The following BTBD9 variants were observed in gnomAD, a reference collection of about 807,000 sequenced individuals.
The protein encoded by BTBD9 is BTB domain containing 9, also known as BTB/POZ domain-containing protein 9.
BTBD9 carries 49 observed loss-of-function variants against 64.3 expected under a neutral mutation model. The observed-to-expected ratio is 0.76, with a 90% CI of 0.61 to 0.97. The LOEUF (loss-of-function observed/expected upper bound fraction) is 0.97, where lower values mean the gene tolerates loss of function less well. Ranked by LOEUF, BTBD9 falls within the 50% of genes least tolerant of loss-of-function variation. The pLI is 0.00. For synonymous variants in BTBD9, 260 were observed against 274.7 expected (o/e 0.95, Z 0.53); for missense variants, 598 against 762.1 (o/e 0.78, Z 2.53).
At chr6:38,414,640 G>T (rs564107874) in intron 6 of BTBD9, among the ~76,000 whole-genome samples, 40 of 152,174 alleles carry the variant, frequency 2.6e-4, no homozygotes, top group African/African-American at 9.6e-4. Context: ...CATGGGATCT[G>T]TTCAGATATT....
intron 9 of BTBD9, among the ~76,000 whole-genome samples, chr6:38,233,891 A>G (rs1199972873): frequency 6.6e-6 from 1 of 152,260 alleles, no homozygotes; most frequent in Non-Finnish European, 1.5e-5. Flanking sequence ...TTTTCAAATC[A>G]GTTTTAAAAC....
intron 1 of BTBD9, among the ~76,000 whole-genome samples, chr6:38,624,763 A>T (rs934485156): frequency 2.6e-5 from 4 of 152,142 alleles, no homozygotes; most frequent in Non-Finnish European, 2.9e-5. Context: ...ATTACATTAG[A>T]AGACAAAGAT....
chr6:38,496,673 G>A (rs1264329371), intron 6 of BTBD9, among the ~76,000 whole-genome samples: 1 of 148,618 alleles, frequency 6.7e-6, no homozygotes, highest in Non-Finnish European at 1.5e-5. Context: ...AAAAAAAAAA[G>A]AGAGAGAGAG....
chr6:38,357,729 A>C (rs2127596253), intron 6 of BTBD9, among the ~76,000 whole-genome samples: 1 of 152,230 alleles, frequency 6.6e-6, no homozygotes, highest in African/African-American at 2.4e-5. Context: ...AGGAGACGAT[A>C]ACCATTTCTC....
At chr6:38,242,559 T>C (rs1181581229) in intron 9 of BTBD9, among the ~76,000 whole-genome samples, 1 of 152,218 alleles carries the variant, frequency 6.6e-6, no homozygotes, top group Non-Finnish European at 1.5e-5. Flanking sequence ...GGATCTTGTT[T>C]TGTATTTTAC....
At chr6:38,318,218 CTT>C (rs1417391816) in intron 7 of BTBD9, among the ~76,000 whole-genome samples, 1 of 152,162 alleles carries the variant, frequency 6.6e-6, no homozygotes, top group Non-Finnish European at 1.5e-5. Context: ...TGAATTCTCT[CTT>C]TGAAAGGTCA....
At chr6:38,597,434 A>T (rs1409507241) in intron 2 of BTBD9, among the ~76,000 whole-genome samples, 1 of 152,204 alleles carries the variant, frequency 6.6e-6, no homozygotes, top group Non-Finnish European at 1.5e-5. Flanking sequence ...ATAACCCTGG[A>T]AATTAAGGAC....
At chr6:38,465,676 G>A (rs1770317996) in intron 6 of BTBD9, among the ~76,000 whole-genome samples, 1 of 132,406 alleles carries the variant, frequency 7.6e-6, no homozygotes, top group Non-Finnish European at 1.6e-5. Context: ...GACAGAGCTA[G>A]ACTCCATCTC....
chr6:38,623,005 C>T (rs1699004), intron 1 of BTBD9, among the ~76,000 whole-genome samples: 99,393 of 151,898 alleles, frequency 0.65, 32,895 homozygotes, highest in African/African-American at 0.76. Context: ...AATGGGAAAA[C>T]AGAACACAGG....
chr6:38,245,100 T>C (rs1050423814), intron 9 of BTBD9, among the ~76,000 whole-genome samples: 9 of 152,162 alleles, frequency 5.9e-5, no homozygotes, highest in Non-Finnish European at 8.8e-5. Context: ...ATCAAGTACA[T>C]ACTGACCCCT....
chr6:38,299,193 T>C (rs990063799), intron 7 of BTBD9, among the ~76,000 whole-genome samples: 13 of 152,242 alleles, frequency 8.5e-5, no homozygotes, highest in Non-Finnish European at 1.9e-4. Flanking sequence ...AACTCATCAT[T>C]TTTTATGGCT....
intron 7 of BTBD9, among the ~76,000 whole-genome samples, chr6:38,328,767 G>A (rs888080100): frequency 2.0e-5 from 3 of 151,918 alleles, no homozygotes; most frequent in Non-Finnish European, 4.4e-5. Flanking sequence ...CTAACATGGT[G>A]AAACCCCGTC....
At chr6:38,609,568 A>C (rs950531734) in intron 1 of BTBD9, among the ~76,000 whole-genome samples, 4 of 152,186 alleles carry the variant, frequency 2.6e-5, no homozygotes, top group African/African-American at 9.7e-5. Flanking sequence ...AAATCCAATT[A>C]AAAAAAGACA....
In BTBD9 at chr6:38,238,470, G is replaced by GTTT. The variant is rs34641170; in HGVS notation, c.1562+17936_1562+17938dup. Reference sequence around the variant, plus strand: ...ACAGTAAGCTGTTGCGGAGACCAAGGTTTTTTGTTTTTTTTTTTTTGAGAC... The same window carrying GTTT: ...ACAGTAAGCTGTTGCGGAGACCAAGGTTTTTTTTTGTTTTTTTTTTTTTGAGAC... On this transcript the variant is annotated intron_variant, in intron 9 of 10. Transcript: ENST00000481247. Among the ~76,000 whole-genome samples, 273 of 127,978 alleles carry GTTT rather than the reference G, an allele frequency of 2.1e-3. 58 individuals carry two copies. The highest frequency in any genetic ancestry group is 4.0e-3 in the Middle Eastern group (1 of 248). The allele number at this position is 127,978 out of a possible 152,430, so 84.0% of individuals were successfully genotyped here.
At chr6:38,340,069 G>A (rs1272741234) in intron 7 of BTBD9, among the ~76,000 whole-genome samples, 1 of 152,174 alleles carries the variant, frequency 6.6e-6, no homozygotes, top group African/African-American at 2.4e-5. Context: ...AGGAAAAAGA[G>A]ATGAAAGAAA....
chr6:38,188,652 A>C (rs1761922649), intron 10 of BTBD9, among the ~76,000 whole-genome samples: 1 of 152,230 alleles, frequency 6.6e-6, no homozygotes, highest in African/African-American at 2.4e-5. Flanking sequence ...AACGAAGGCC[A>C]CTGTTATGGA....
At chr6:38,206,179 C>T (rs1245842877) in intron 9 of BTBD9, among the ~76,000 whole-genome samples, 16 of 151,328 alleles carry the variant, frequency 1.1e-4, no homozygotes, top group Admixed American at 4.6e-4. Context: ...AGTGATAGTA[C>T]ACAGAAAATT....
intron 6 of BTBD9, among the ~76,000 whole-genome samples, chr6:38,494,863 TC>T (rs1771881806): frequency 6.6e-6 from 1 of 152,204 alleles, no homozygotes; most frequent in African/African-American, 2.4e-5. Context: ...AGATCATAAT[TC>T]CACTTTTAAT....
intron 8 of BTBD9, among the ~76,000 whole-genome samples, chr6:38,287,614 G>A (rs1331292867): frequency 6.6e-6 from 1 of 152,132 alleles, no homozygotes; most frequent in Non-Finnish European, 1.5e-5. Flanking sequence ...TCTAGCCTAG[G>A]TGTGTGGTAG....
Sources: allele counts gnomAD v4.1 joint callset (sites outside exome capture counted in the v4.1 genomes callset), GRCh38; gene constraint gnomAD v4.1.1; transcripts MANE v1.5; gene names NCBI Gene and HGNC (gene_info 2026-07-23, HGNC 2026-07-21).